The following ULK4 variants were observed in gnomAD, a reference collection of about 807,000 sequenced individuals.
ULK4 encodes the protein inactive serine/threonine-protein kinase ULK4.
ULK4 carries 133 observed loss-of-function variants against 160.6 expected under a neutral mutation model. The observed-to-expected ratio is 0.83, with a 90% CI of 0.72 to 0.96. ULK4 has a LOEUF of 0.96. Ranked by LOEUF, ULK4 falls within the 40% of genes least tolerant of loss-of-function variation. The pLI is 0.00. For synonymous variants in ULK4, 534 were observed against 539.8 expected (o/e 0.99, Z 0.15); for missense variants, 1,580 against 1,499.5 (o/e 1.05, Z -0.89).
chr3:41,308,833 C>G (rs1239354054), intron 35 of ULK4, among the ~76,000 whole-genome samples: 1 of 151,852 alleles, frequency 6.6e-6, no homozygotes, highest in Admixed American at 6.6e-5. Flanking sequence ...ATCCAAAACA[C>G]TCTGGTCATT....
intron 22 of ULK4, among the ~76,000 whole-genome samples, chr3:41,732,257 A>T (rs756691359): frequency 6.6e-6 from 1 of 152,154 alleles, no homozygotes; most frequent in Non-Finnish European, 1.5e-5. Flanking sequence ...ATATATAAAG[A>T]ATTCAACTCA....
chr3:41,249,058 C>T (rs984596078), intron 36 of ULK4, among the ~76,000 whole-genome samples: 107 of 152,310 alleles, frequency 7.0e-4, no homozygotes, highest in African/African-American at 2.3e-3. Flanking sequence ...TTTGCCCCAG[C>T]CCTGCCTGGG....
At chr3:41,517,613 C>G (rs545998580) in intron 32 of ULK4, among the ~76,000 whole-genome samples, 1 of 152,332 alleles carries the variant, frequency 6.6e-6, no homozygotes, top group East Asian at 1.9e-4. Context: ...GCAGCAGGAA[C>G]AGTCTCTAGA....
intron 35 of ULK4, chr3:41,251,184 C>CA (rs1197935917): frequency 1.3e-5 from 2 of 152,118 alleles, no homozygotes; most frequent in Admixed American, 6.5e-5. Context: ...AGGAAGATGC[C>CA]AAAATGGTAT....
chr3:41,902,638 C>T (rs979313690), intron 12 of ULK4, among the ~76,000 whole-genome samples: 5 of 119,876 alleles, frequency 4.2e-5, no homozygotes, highest in Non-Finnish European at 9.0e-5. Flanking sequence ...TTGTTTAAAA[C>T]AAGAAAATCT....
At chr3:41,961,013 T>C (rs1391844281) in intron 1 of ULK4, among the ~76,000 whole-genome samples, 1 of 152,168 alleles carries the variant, frequency 6.6e-6, no homozygotes, top group African/African-American at 2.4e-5. Flanking sequence ...GGTTTCTTCA[T>C]GGTTTTCTCA....
chr3:41,293,419 T>C (rs1311789413), intron 35 of ULK4, among the ~76,000 whole-genome samples: 1 of 152,178 alleles, frequency 6.6e-6, no homozygotes, highest in Admixed American at 6.5e-5. Context: ...ACTCACTCCG[T>C]AACCCAGTGC....
chr3:41,504,450 A>G, intron 32 of ULK4, among the ~76,000 whole-genome samples: 1 of 152,222 alleles, frequency 6.6e-6, no homozygotes, highest in East Asian at 1.9e-4. Flanking sequence ...CATTTCTGTT[A>G]TGACTCAGGC....
chr3:41,294,663 C>G (rs1243401586), intron 35 of ULK4, among the ~76,000 whole-genome samples: 2 of 152,098 alleles, frequency 1.3e-5, no homozygotes, highest in African/African-American at 4.8e-5. Flanking sequence ...CGTAAAGAAA[C>G]AAGCCAAAAA....
At chr3:41,837,308 GA>G (rs2041787909) in intron 17 of ULK4, among the ~76,000 whole-genome samples, 1 of 152,102 alleles carries the variant, frequency 6.6e-6, no homozygotes, top group African/African-American at 2.4e-5. Flanking sequence ...ATACACCTGT[GA>G]AATCATCACT....
At chr3:41,741,451 T>C (rs2038235692) in intron 22 of ULK4, among the ~76,000 whole-genome samples, 1 of 151,942 alleles carries the variant, frequency 6.6e-6, no homozygotes, top group African/African-American at 2.4e-5. Context: ...CACAGCTATA[T>C]CATTATTTAT....
At chr3:41,934,414 T>C (rs781584190) in intron 4 of ULK4, among the ~76,000 whole-genome samples, 2 of 152,230 alleles carry the variant, frequency 1.3e-5, no homozygotes, top group African/African-American at 4.8e-5. Context: ...TTTTCTTTCC[T>C]TGGCACATAT....
chr3:41,623,798 A>G (rs2033364684), intron 30 of ULK4, among the ~76,000 whole-genome samples: 1 of 152,164 alleles, frequency 6.6e-6, no homozygotes, highest in Non-Finnish European at 1.5e-5. Flanking sequence ...TATGTATTTC[A>G]AAATTATTAC....
rs1372769055 is a variant in ULK4 at position 41,428,603 on chromosome 3, A to G, written c.3492+26894T>C. ...AGCAATGGAATAGAATAGAGATCTC[A>G]GAAATGAGACCACACATCTACAATC... On this transcript the variant is annotated intron_variant, in intron 34 of 36. Coordinates refer to ENST00000301831, the MANE Select transcript of ULK4 (RefSeq NM_017886.4). Among the ~76,000 whole-genome samples the G allele has an allele frequency of 2.0e-5, 3 of 152,218 alleles. No homozygotes were observed. The East Asian group carries it at 5.8e-4, about 29-fold the overall frequency.
intron 22 of ULK4, among the ~76,000 whole-genome samples, chr3:41,725,850 G>A (rs972659899): frequency 6.6e-6 from 1 of 152,124 alleles, no homozygotes; most frequent in African/African-American, 2.4e-5. Flanking sequence ...GCTTCTGGAA[G>A]GCAGCTAAAA....
chr3:41,629,193 CTT>C (rs1432172325), intron 30 of ULK4, among the ~76,000 whole-genome samples: 5 of 152,104 alleles, frequency 3.3e-5, no homozygotes, highest in Admixed American at 6.6e-5. Flanking sequence ...GATGACTCGT[CTT>C]TGTTTCATGA....
intron 17 of ULK4, among the ~76,000 whole-genome samples, chr3:41,837,762 T>C (rs570200291): frequency 1.3e-5 from 2 of 152,144 alleles, no homozygotes; most frequent in African/African-American, 4.8e-5. Flanking sequence ...GGTTTCGCCA[T>C]GTTGGCCCGG....
intron 34 of ULK4, among the ~76,000 whole-genome samples, chr3:41,437,132 G>C (rs909567659): frequency 6.6e-6 from 1 of 152,166 alleles, no homozygotes; most frequent in African/African-American, 2.4e-5. Context: ...CAACAGAACA[G>C]TATTCTGATC....
intron 32 of ULK4, among the ~76,000 whole-genome samples, chr3:41,477,905 T>C (rs2084194262): frequency 1.3e-5 from 2 of 152,346 alleles, no homozygotes; most frequent in South Asian, 4.2e-4. Flanking sequence ...GATTTGCCTA[T>C]GCTATTTTAG....
Sources: gnomAD v4.1 joint callset for allele counts (sites outside exome capture counted in the v4.1 genomes callset) on GRCh38, gnomAD v4.1.1 for gene constraint, MANE v1.5 for transcripts, NCBI Gene and HGNC (gene_info 2026-07-23, HGNC 2026-07-21) for gene names.